ERC2: variants seen among roughly 807,000 people sequenced by gnomAD.
The protein encoded by ERC2 is ELKS/RAB6-interacting/CAST family member 2, also known as ERC protein 2.
ERC2 carries 42 observed loss-of-function variants against 114.8 expected under a neutral mutation model. The observed-to-expected ratio is 0.37, with a 90% CI of 0.29 to 0.47. ERC2 has a LOEUF of 0.47. Among genes scored for constraint, ERC2 ranks in the 20% least tolerant of loss-of-function variants. The probability of loss-of-function intolerance (pLI) is 0.99; values close to 1 mark genes in which losing one functional copy is unlikely to be tolerated. For missense variants in ERC2, 939 were observed against 1,150.7 expected, an observed-to-expected ratio of 0.82 and a Z score of 2.66; for synonymous variants, 454 against 425.5, an observed-to-expected ratio of 1.07 and a Z score of -0.82.
intron 17 of ERC2, among the ~76,000 whole-genome samples, chr3:55,534,754 T>A (rs925741739): frequency 6.6e-6 from 1 of 152,070 alleles, no homozygotes; most frequent in African/African-American, 2.4e-5. Context: ...TAGTAGTGAG[T>A]ATTATTTTCA....
chr3:56,396,329 T>C (rs531382631), intron 2 of ERC2, among the ~76,000 whole-genome samples: 64 of 152,152 alleles, frequency 4.2e-4, no homozygotes, highest in Non-Finnish European at 8.4e-4. Flanking sequence ...TATCTGATGG[T>C]TGTTAAAATA....
rs143556591 is a variant in ERC2 at position 55,684,679 on chromosome 3, C to G, written c.2848-820G>C. ...GTTGAAAAGTGTTTCGAAAATAGCTCTGGTGACTTTCCTCACTTAGTGAAG... is the reference window on the plus strand; with the variant it reads ...GTTGAAAAGTGTTTCGAAAATAGCTGTGGTGACTTTCCTCACTTAGTGAAG... On this transcript the variant is annotated intron_variant, in intron 16 of 17. Transcript: ENST00000288221. 1.4e-3 allele frequency among the ~76,000 whole-genome samples: 216 copies of G among 152,288 alleles called. 5 individuals are homozygous for G. The East Asian group carries it at 0.038, about 27-fold the overall frequency.
intron 17 of ERC2, among the ~76,000 whole-genome samples, chr3:55,650,101 T>C (rs1469326200): frequency 6.6e-6 from 1 of 152,182 alleles, no homozygotes; most frequent in African/African-American, 2.4e-5. Context: ...TGGTCCTGGC[T>C]ATTTATGACT....
At chr3:56,176,588 A>C (rs1158692052) in intron 3 of ERC2, among the ~76,000 whole-genome samples, 2 of 152,158 alleles carry the variant, frequency 1.3e-5, no homozygotes, top group African/African-American at 4.8e-5. Flanking sequence ...CAAGAATTGT[A>C]ATTTTCTTAA....
chr3:55,877,838 G>A (rs879418294), intron 14 of ERC2, among the ~76,000 whole-genome samples: 11 of 151,896 alleles, frequency 7.2e-5, no homozygotes, highest in East Asian at 1.9e-4. Flanking sequence ...CTGTACTCTC[G>A]GCTCCTTAGT....
At chr3:55,601,325 A>G (rs2058392879) in intron 17 of ERC2, among the ~76,000 whole-genome samples, 1 of 152,178 alleles carries the variant, frequency 6.6e-6, no homozygotes, top group African/African-American at 2.4e-5. Context: ...TAAATTCTTC[A>G]TGTCCACAGA....
chr3:55,872,591 A>C (rs914032394), intron 14 of ERC2, among the ~76,000 whole-genome samples: 1 of 152,082 alleles, frequency 6.6e-6, no homozygotes, highest in Non-Finnish European at 1.5e-5. Flanking sequence ...ATGACAGTAG[A>C]TTATAAAAGG....
intron 6 of ERC2, among the ~76,000 whole-genome samples, chr3:56,100,852 A>C (rs901962664): frequency 3.9e-5 from 6 of 152,200 alleles, no homozygotes; most frequent in African/African-American, 1.4e-4. Context: ...GCTCTTGGTT[A>C]TTTCATGACT....
intron 6 of ERC2, among the ~76,000 whole-genome samples, chr3:56,120,617 T>G (rs2079520184): frequency 6.6e-6 from 1 of 152,152 alleles, no homozygotes; most frequent in South Asian, 2.1e-4. Flanking sequence ...ATAAAGCAGC[T>G]CCTGACACAT....
At chr3:55,970,299 T>TA (rs1241880380) in intron 12 of ERC2, among the ~76,000 whole-genome samples, 1 of 151,922 alleles carries the variant, frequency 6.6e-6, no homozygotes, top group Non-Finnish European at 1.5e-5. Flanking sequence ...TACAACTTAT[T>TA]AAAAAAATTT....
At chr3:55,992,332 T>A in intron 10 of ERC2, 82 bp from the exon 11 acceptor site, 1 of 1,265,702 alleles carries the variant, frequency 7.9e-7, no homozygotes, top group Non-Finnish European at 1.1e-6. Context: ...GGTCCAGAAA[T>A]TAACTTTGGA....
chr3:55,951,058 C>G (rs781368836), intron 12 of ERC2, among the ~76,000 whole-genome samples: 2 of 152,020 alleles, frequency 1.3e-5, no homozygotes, highest in Non-Finnish European at 2.9e-5. Context: ...GAGAACAATG[C>G]GTGTAATTTC....
intron 7 of ERC2, among the ~76,000 whole-genome samples, chr3:56,040,592 T>TGTATATGTATACATATACATATAC: frequency 9.0e-4 from 1 of 1,114 alleles, no homozygotes; most frequent in African/African-American, 2.5e-3. Flanking sequence ...TATACATATA[T>TGTATATGTATACATATACATATAC]ATCTATATAT....
At chr3:55,690,695 C>T (rs980906360) in intron 16 of ERC2, among the ~76,000 whole-genome samples, 3 of 152,200 alleles carry the variant, frequency 2.0e-5, no homozygotes, top group Non-Finnish European at 4.4e-5. Flanking sequence ...CTTCAGTAGG[C>T]TCAAACCTCC....
chr3:55,788,664 C>T (rs2069718471), intron 14 of ERC2, among the ~76,000 whole-genome samples: 1 of 152,178 alleles, frequency 6.6e-6, no homozygotes. Context: ...ACACACCCTA[C>T]CTCTCCCCAA....
chr3:56,386,058 T>C (rs758962337), intron 2 of ERC2, among the ~76,000 whole-genome samples: 4 of 152,084 alleles, frequency 2.6e-5, no homozygotes, highest in Non-Finnish European at 4.4e-5. Context: ...ATGGAAAGGG[T>C]TGGTTCAGTA....
At chr3:55,743,609 A>AG (rs1189001608) in intron 14 of ERC2, among the ~76,000 whole-genome samples, 3 of 151,448 alleles carry the variant, frequency 2.0e-5, no homozygotes, top group Non-Finnish European at 4.4e-5. Context: ...AAAAAAAAAA[A>AG]AAAAGAAACA....
intron 10 of ERC2, among the ~76,000 whole-genome samples, chr3:55,997,274 G>C (rs2071593070): frequency 8.5e-6 from 1 of 118,270 alleles, no homozygotes; most frequent in African/African-American, 3.3e-5. Flanking sequence ...GCTAAATTTA[G>C]GCAGTGTAGA....
At chr3:56,143,020 T>C (rs1009997078) in intron 5 of ERC2, among the ~76,000 whole-genome samples, 1 of 152,168 alleles carries the variant, frequency 6.6e-6, no homozygotes, top group Non-Finnish European at 1.5e-5. Context: ...CCAGCTGTGG[T>C]TATGGATTCT....
Sources: gnomAD v4.1 joint callset for allele counts (sites outside exome capture counted in the v4.1 genomes callset) on GRCh38, gnomAD v4.1.1 for gene constraint, MANE v1.5 for transcripts, NCBI Gene and HGNC (gene_info 2026-07-23, HGNC 2026-07-21) for gene names.